Variants in ABCA1 observed in about 807,000 individuals in gnomAD.
The protein encoded by ABCA1 is phospholipid-transporting ATPase ABCA1.
Under a neutral mutation model 262.5 loss-of-function variants are expected in ABCA1, and 133 were observed. The observed-to-expected ratio is 0.51, with a 90% CI of 0.44 to 0.59. ABCA1 has a LOEUF of 0.59. ABCA1 is among the 20% of genes least tolerant of loss of function. The pLI is 0.00. For missense variants in ABCA1, 2,452 were observed against 2,777.5 expected (o/e 0.88, Z 2.63); for synonymous variants, 1,022 against 1,043.5 (o/e 0.98, Z 0.40).
In ABCA1 at chr9:104,863,980, C is replaced by G. The variant is rs557814126; in HGVS notation, c.422-2180G>C. On this transcript the variant is annotated intron_variant, in intron 5 of 49. Transcript: ENST00000374736. Reference sequence around the variant, plus strand: ...GGTCTAGAGTGCAGAGCCTACAAATCTACATTTGAATAAGCATCCCTTACA... The same window carrying G: ...GGTCTAGAGTGCAGAGCCTACAAATGTACATTTGAATAAGCATCCCTTACA... 1.2e-4 allele frequency among the ~76,000 whole-genome samples: 18 copies of G among 152,342 alleles called. No individual in the cohort carries two copies. In the East Asian group the frequency reaches 3.5e-3, roughly 29 times the overall value.
At chr9:104,820,828 C>T (rs1832263937) in intron 20 of ABCA1, among the ~76,000 whole-genome samples, 1 of 152,132 alleles carries the variant, frequency 6.6e-6, no homozygotes, top group African/African-American at 2.4e-5. Context: ...TTTCCCAAGC[C>T]CCCATCCACT....
intron 8 of ABCA1, 27 bp from the exon 9 acceptor site, chr9:104,840,546 G>C: frequency 6.2e-7 from 1 of 1,606,246 alleles, no homozygotes; most frequent in Non-Finnish European, 8.5e-7. Flanking sequence ...GGACAGAAAG[G>C]AGGGTAGGGG....
In ABCA1 at chr9:104,804,638, A is replaced by G. The variant is rs1830613126; in HGVS notation, c.4547T>C (p.Ile1516Thr). The change falls in exon 32 of 50, where the codon ATC (isoleucine) becomes ACC (threonine). Residue 1516 changes from isoleucine to threonine, a missense_variant. Ile to Thr is a moderately conservative substitution (Grantham distance 89). Coordinates refer to ENST00000374736, the MANE Select transcript of ABCA1 (RefSeq NM_005502.4). ...SDYLVKTYVQIIAKSLKNKIW... is the reference protein window; with the variant it reads ...SDYLVKTYVQTIAKSLKNKIW... The stretch of plus-strand genomic sequence containing the variant: ...AGTAAAAAGTCACCTTTTGGCTATG[A>G]TCTGCACATACGTCTTCACCAGATA... 1.9e-6 allele frequency: 3 copies of G among 1,614,194 alleles called. No individual in the cohort carries two copies. Among genetic ancestry groups the G allele is most frequent in the East Asian group, 4.5e-5 (2 of 44,880 alleles).
intron 24 of ABCA1, 67 bp from the exon 25 acceptor site, chr9:104,816,412 TC>T (rs1446934123): frequency 5.5e-6 from 8 of 1,461,870 alleles, no homozygotes; most frequent in Admixed American, 1.7e-5. Context: ...GGGCTGGCCA[TC>T]CCCCACCCTC....
rs1831857063 is a variant in ABCA1 at position 104,817,265 on chromosome 9, T to C, written c.3535+67A>G. 3 of 1,613,108 alleles carry C rather than the reference T, an allele frequency of 1.9e-6. No individual in the cohort carries two copies. Among genetic ancestry groups the C allele is most frequent in the Non-Finnish European group, 2.5e-6 (3 of 1,179,662 alleles). On this transcript the variant is annotated intron_variant, in intron 24 of 49. Coordinates refer to ENST00000374736, the MANE Select transcript of ABCA1 (RefSeq NM_005502.4). The surrounding 1 kb of genome is among the most constrained non-coding windows in gnomAD (Gnocchi z 4.7). ...ACCAGCCTCTGCACCTCTCCTCCTC[T>C]GCCTCCACTCTGCCCAGCTGGGGGA...
chr9:104,869,376 G>A (rs1316543394), intron 5 of ABCA1, among the ~76,000 whole-genome samples: 3 of 152,146 alleles, frequency 2.0e-5, no homozygotes, highest in East Asian at 1.9e-4. Context: ...GCCTGGGAGC[G>A]GGAGACAAAT....
chr9:104,886,274 C>A (rs114757628), intron 3 of ABCA1, among the ~76,000 whole-genome samples: 2,387 of 152,238 alleles, frequency 0.016, 78 homozygotes, highest in African/African-American at 0.054. Flanking sequence ...TGCAAATGGG[C>A]TGAGAAGTTA....
chr9:104,881,136 A>C (rs1164849858), intron 5 of ABCA1, among the ~76,000 whole-genome samples: 1 of 152,082 alleles, frequency 6.6e-6, no homozygotes, highest in Non-Finnish European at 1.5e-5. Context: ...TGACAGAGCG[A>C]GGCTCTGTCT....
chr9:104,785,358 C>A (rs770304406), intron 49 of ABCA1, 38 bp downstream of exon 49: 73 of 1,612,598 alleles, frequency 4.5e-5, no homozygotes, highest in Admixed American at 1.5e-4. Context: ...GGAATCCACA[C>A]CCTGAGAAGT....
intron 8 of ABCA1, among the ~76,000 whole-genome samples, chr9:104,845,056 C>T (rs998817069): frequency 2.6e-5 from 4 of 152,212 alleles, no homozygotes; most frequent in East Asian, 1.9e-4. Flanking sequence ...AGGGGTACCA[C>T]GTTATTCCTG....
chr9:104,887,781 C>CAATG (rs1372600582), intron 3 of ABCA1, among the ~76,000 whole-genome samples: 2 of 133,266 alleles, frequency 1.5e-5, no homozygotes, highest in African/African-American at 5.9e-5. Context: ...GGCTGGAGTG[C>CAATG]AATGGCGCAA....
In ABCA1 at chr9:104,816,188, G is replaced by A; in HGVS notation, c.3693C>T (p.Asp1231=). 2 of 1,614,126 alleles carry A rather than the reference G, an allele frequency of 1.2e-6. No individual in the cohort carries two copies. The highest frequency in any genetic ancestry group is 1.1e-5 in the South Asian group (1 of 91,086). ...LFHEIDDRLS[D]LGISSYGISE... ...AGATGCCATAACTAGAAATGCCCAG[G>A]TCTGAGAGCCGGTCATCAATCTCAT... Residue 1231 remains aspartate (D), a synonymous_variant, in exon 25 of 50, where the codon GAC becomes GAT. Transcript: ENST00000374736.
intron 24 of ABCA1, among the ~76,000 whole-genome samples, chr9:104,816,782 G>A (rs182776477): frequency 1.3e-5 from 2 of 152,280 alleles, no homozygotes; most frequent in East Asian, 3.9e-4. Context: ...TGCTTATAAA[G>A]TAGGTTCCCT....
chr9:104,840,946 C>T (rs1834309556), intron 8 of ABCA1, among the ~76,000 whole-genome samples: 1 of 152,164 alleles, frequency 6.6e-6, no homozygotes, highest in Non-Finnish European at 1.5e-5. Context: ...TTTCTCTGAA[C>T]AGCTACATCT....
intron 7 of ABCA1, chr9:104,856,146 G>A (rs544017563): frequency 2.0e-6 from 3 of 1,510,380 alleles, no homozygotes; most frequent in East Asian, 2.3e-5. Flanking sequence ...GCTGCTTAAT[G>A]CAAATCAAGT....
chr9:104,904,086 C>G (rs1469982640), intron 1 of ABCA1, among the ~76,000 whole-genome samples: 1 of 152,194 alleles, frequency 6.6e-6, no homozygotes, highest in Admixed American at 6.5e-5. Flanking sequence ...GCCAAAAACA[C>G]TGAGGATGGA....
chr9:104,809,567 G>A lies in ABCA1; in HGVS notation c.4176-3C>T, dbSNP rs370136214. Reference sequence around the variant, plus strand: ...CCGTGTCCTCAGGAGCATCATTGCTGTGGGTACATGAGAGGCAGCCAGCTT... The same window carrying A: ...CCGTGTCCTCAGGAGCATCATTGCTATGGGTACATGAGAGGCAGCCAGCTT... On this transcript the variant is annotated splice_region_variant and splice_polypyrimidine_tract_variant and intron_variant, in intron 29 of 49. Coordinates refer to ENST00000374736, the MANE Select transcript of ABCA1 (RefSeq NM_005502.4). 6.2e-6 allele frequency: 10 copies of A among 1,613,534 alleles called. No individual in the cohort carries two copies. Among genetic ancestry groups the A allele is most frequent in the South Asian group, 5.5e-5 (5 of 91,074 alleles).
intron 7 of ABCA1, chr9:104,855,526 A>G: frequency 2.4e-6 from 2 of 825,032 alleles, no homozygotes; most frequent in Non-Finnish European, 3.5e-6. Context: ...TCTTGACGCA[A>G]TTGTTTTCAA....
chr9:104,818,782 A>G lies in ABCA1; in HGVS notation c.3343T>C (p.Ser1115Pro). The change falls in exon 23 of 50, where the codon TCC becomes CCC. Residue 1115 changes from serine to proline, a missense_variant. Ser to Pro is a moderately conservative substitution (Grantham distance 74). Around this residue, in one of 4 missense-constraint regions of ABCA1, gnomAD observed 665 missense variants for 727.3 expected, o/e 0.91. Transcript: ENST00000374736. Reference protein sequence around the residue: ...SHGKLCCVGSSLFLKNQLGTG... With the variant: ...SHGKLCCVGSPLFLKNQLGTG... ...CCCAGCTGGTTCTTCAGAAACAGGG[A>G]GGAGCCCACACAGCACAGCTTCCCA... is the stretch of plus-strand genomic sequence containing the variant. The G allele has an allele frequency of 6.2e-7, 1 of 1,614,030 alleles. No individual in the cohort carries two copies. Among genetic ancestry groups the G allele is most frequent in the Non-Finnish European group, 8.5e-7 (1 of 1,180,010 alleles).
Sources: gnomAD v4.1 joint callset for allele counts (sites outside exome capture counted in the v4.1 genomes callset) on GRCh38, gnomAD v4.1.1 for gene constraint, gnomAD v4.1.1 regional missense constraint, Gnocchi (gnomAD v3.1) non-coding constraint, MANE v1.5 for transcripts, NCBI Gene and HGNC (gene_info 2026-07-23, HGNC 2026-07-21) for gene names.